CPNE4: variants seen among roughly 807,000 people sequenced by gnomAD.
The protein encoded by CPNE4 is copine 4.
In CPNE4, 25 loss-of-function variants were observed where a neutral mutation model predicts 67.9. The ratio of observed to expected loss-of-function variants is 0.37; its 90% CI spans 0.27 to 0.51. CPNE4 has a LOEUF of 0.51. CPNE4 is among the 20% of genes least tolerant of loss of function. CPNE4 has a pLI of 0.93. For synonymous variants in CPNE4, 242 were observed against 244.9 expected (o/e 0.99, Z 0.11); for missense variants, 464 against 690.8 (o/e 0.67, Z 3.68).
At chr3:132,015,656 T>C (rs1421836985) in intron 1 of CPNE4, among the ~76,000 whole-genome samples, 8 of 152,180 alleles carry the variant, frequency 5.3e-5, no homozygotes, top group African/African-American at 1.2e-4. Flanking sequence ...GATTGTTTTC[T>C]TTACTCGAGG....
chr3:131,741,277 G>T (rs866515755), intron 2 of CPNE4, among the ~76,000 whole-genome samples: 1 of 152,150 alleles, frequency 6.6e-6, no homozygotes, highest in Non-Finnish European at 1.5e-5. Flanking sequence ...TGCAGGGTTA[G>T]TCAGAATGGA....
chr3:131,931,714 A>C (rs1401941247), intron 1 of CPNE4, among the ~76,000 whole-genome samples: 1 of 152,094 alleles, frequency 6.6e-6, no homozygotes, highest in Non-Finnish European at 1.5e-5. Flanking sequence ...AAATCAGCCT[A>C]AAGTCAGTTG....
At chr3:131,609,131 T>C (rs1939673913) in intron 7 of CPNE4, among the ~76,000 whole-genome samples, 3 of 152,314 alleles carry the variant, frequency 2.0e-5, no homozygotes, top group African/African-American at 4.8e-5. Context: ...TATGTTTTCA[T>C]GATTACTTGA....
At chr3:131,871,886 T>C (rs564307860) in intron 2 of CPNE4, among the ~76,000 whole-genome samples, 1 of 152,306 alleles carries the variant, frequency 6.6e-6, no homozygotes, top group Non-Finnish European at 1.5e-5. Flanking sequence ...AGGAACACTA[T>C]CGCCTCTATG....
chr3:131,673,821 T>G (rs2080489171), intron 6 of CPNE4, among the ~76,000 whole-genome samples: 1 of 152,220 alleles, frequency 6.6e-6, no homozygotes, highest in African/African-American at 2.4e-5. Flanking sequence ...TCTTCTATGA[T>G]TGCTCCAGCT....
At chr3:131,803,143 G>A (rs1330926653) in intron 2 of CPNE4, among the ~76,000 whole-genome samples, 1 of 152,182 alleles carries the variant, frequency 6.6e-6, no homozygotes, top group Non-Finnish European at 1.5e-5. Context: ...TTCAAATCCT[G>A]GCTCTACCAT....
At chr3:131,599,935 G>A (rs1201966225) in intron 7 of CPNE4, among the ~76,000 whole-genome samples, 2 of 152,142 alleles carry the variant, frequency 1.3e-5, no homozygotes, top group Admixed American at 1.3e-4. Flanking sequence ...AAACAGCAAG[G>A]AATATAATGA....
chr3:131,688,474 C>A (rs1238068858), intron 5 of CPNE4, among the ~76,000 whole-genome samples: 1 of 152,176 alleles, frequency 6.6e-6, no homozygotes, highest in African/African-American at 2.4e-5. Context: ...TCTGTTTCTA[C>A]ATGCATCTTA....
At chr3:131,799,924 TGTG>T (rs1560339597) in intron 2 of CPNE4, among the ~76,000 whole-genome samples, 3 of 7,254 alleles carry the variant, frequency 4.1e-4, no homozygotes, top group Admixed American at 1.7e-3. Flanking sequence ...GTGTGTTGTG[TGTG>T]TGTGTGTGTG....
At chr3:131,842,187 C>T (rs981388340) in intron 2 of CPNE4, among the ~76,000 whole-genome samples, 2 of 152,192 alleles carry the variant, frequency 1.3e-5, no homozygotes, top group Non-Finnish European at 2.9e-5. Flanking sequence ...TTTCCAGTGG[C>T]TGAATGTGGT....
chr3:131,801,407 C>CCATATAT (rs2084111656), intron 2 of CPNE4, among the ~76,000 whole-genome samples: 2 of 46,954 alleles, frequency 4.3e-5, no homozygotes, highest in Admixed American at 2.6e-4. Context: ...TATATAGGTA[C>CCATATAT]ATATATACGT....
chr3:131,576,839 GT>G (rs1169111338), intron 9 of CPNE4, among the ~76,000 whole-genome samples: 1 of 152,070 alleles, frequency 6.6e-6, no homozygotes, highest in Non-Finnish European at 1.5e-5. Context: ...CATGTGAGTG[GT>G]TTCTAGTTAT....
At chr3:131,738,729 A>G (rs1051549328) in intron 2 of CPNE4, among the ~76,000 whole-genome samples, 2 of 152,198 alleles carry the variant, frequency 1.3e-5, no homozygotes, top group Admixed American at 1.3e-4. Flanking sequence ...TGGATTATCC[A>G]TGGTTCACTT....
At chr3:131,736,435 C>T (rs1039725330) in intron 2 of CPNE4, among the ~76,000 whole-genome samples, 4 of 151,596 alleles carry the variant, frequency 2.6e-5, no homozygotes, top group Admixed American at 2.6e-4. Context: ...TGCTGGCCAG[C>T]ATGGTGAAAC....
intron 2 of CPNE4, among the ~76,000 whole-genome samples, chr3:131,822,389 T>C (rs1247914490): frequency 6.6e-6 from 1 of 152,218 alleles, no homozygotes; most frequent in East Asian, 1.9e-4. Flanking sequence ...AATGAACCAC[T>C]TTCCAAAGTA....
At chr3:131,730,214 T>C (rs888092976) in intron 2 of CPNE4, among the ~76,000 whole-genome samples, 1 of 152,228 alleles carries the variant, frequency 6.6e-6, no homozygotes, top group Non-Finnish European at 1.5e-5. Context: ...TGGAATATCT[T>C]TGAAATTGGG....
chr3:131,647,343 A>G (rs948276717), intron 7 of CPNE4, among the ~76,000 whole-genome samples: 21 of 152,236 alleles, frequency 1.4e-4, no homozygotes, highest in African/African-American at 4.8e-4. Context: ...TTCTACAGAC[A>G]GGACCAAGTT....
At chr3:131,578,570 G>T (rs1459561801) in intron 9 of CPNE4, among the ~76,000 whole-genome samples, 1 of 152,208 alleles carries the variant, frequency 6.6e-6, no homozygotes, top group Non-Finnish European at 1.5e-5. Flanking sequence ...GTCAGTAGCT[G>T]AGGTAGGCCA....
intron 6 of CPNE4, among the ~76,000 whole-genome samples, chr3:131,670,097 A>G (rs895819213): frequency 6.6e-6 from 1 of 152,186 alleles, no homozygotes; most frequent in Non-Finnish European, 1.5e-5. Flanking sequence ...TTGATAGAGA[A>G]TTCTCAGTTC....
Sources: gnomAD v4.1 joint callset for allele counts (sites outside exome capture counted in the v4.1 genomes callset) on GRCh38, gnomAD v4.1.1 for gene constraint, MANE v1.5 for transcripts, NCBI Gene and HGNC (gene_info 2026-07-23, HGNC 2026-07-21) for gene names.